Variants in SMCO2 observed in about 807,000 individuals in gnomAD.
SMCO2 encodes single-pass membrane and coiled-coil domain-containing protein 2.
A neutral mutation model predicts 29.5 loss-of-function variants in SMCO2; 25 were observed. The ratio of observed to expected loss-of-function variants is 0.85; its 90% CI spans 0.62 to 1.18. The LOEUF is 1.18. Ranked by LOEUF, SMCO2 falls within the 50% of genes most tolerant of loss-of-function variation. The probability of loss-of-function intolerance (pLI) is 0.00; values close to 1 mark genes in which losing one functional copy is unlikely to be tolerated. For synonymous variants in SMCO2, 117 were observed against 123.3 expected (o/e 0.95, Z 0.34); for missense variants, 348 against 344.5 (o/e 1.01, Z -0.08).
intron 4 of SMCO2, 44 bp from the exon 6 acceptor site, chr12:27,488,416 A>T: frequency 7.4e-7 from 1 of 1,345,412 alleles, no homozygotes; most frequent in South Asian, 1.8e-5. Context: ...CTCTTGGGTG[A>T]TTTTTCTTAA....
intron 3 of SMCO2, 61 bp from the exon 4 acceptor site, chr12:27,474,725 G>C: frequency 6.5e-7 from 1 of 1,541,384 alleles, no homozygotes; most frequent in Non-Finnish European, 8.8e-7. Flanking sequence ...AGGGCTGGAA[G>C]AACCACCACA....
chr12:27,480,537 A>T (rs1236783967), intron 4 of SMCO2, among the ~76,000 whole-genome samples: 1 of 152,048 alleles, frequency 6.6e-6, no homozygotes, highest in African/African-American at 2.4e-5. Context: ...ACCCAATCTC[A>T]TTTTGAAATG....
At chr12:27,433,769 C>T in the SMCO2 span, among the ~76,000 whole-genome samples, 5 of 152,322 alleles carry the variant, frequency 3.3e-5, no homozygotes, top group East Asian at 9.6e-4. Flanking sequence ...GGCCGTTCTT[C>T]CTTTAACTCT....
chr12:27,501,913 C>T lies in SMCO2; in HGVS notation c.684-10C>T. 2 of 1,513,280 alleles carry T rather than the reference C, an allele frequency of 1.3e-6. No individual in the cohort carries two copies. Among genetic ancestry groups the T allele is most frequent in the East Asian group, 2.5e-5 (1 of 40,404 alleles). 93.7% of individuals were successfully genotyped at this position (1,513,280 alleles called of 1,614,324 possible). On this transcript the variant is annotated splice_polypyrimidine_tract_variant and intron_variant, in intron 7 of 7. Coordinates refer to ENST00000298876, the Ensembl canonical transcript of SMCO2. The stretch of plus-strand genomic sequence containing the variant: ...AATTTGGTTAACACAGATGTTTTCT[C>T]TCTTTGTAGGAAACGTGCACTGAGG...
At position 27,495,665 on chromosome 12, in the gene SMCO2, A is replaced by G; in HGVS notation, c.508-15A>G. ...TAGAATTTTTTTAAGGTACTTGATT[A>G]CTCTTTTTTTTCAGGACCTTTGCAA... On this transcript the variant is annotated splice_polypyrimidine_tract_variant and intron_variant, in intron 6 of 7. Coordinates refer to ENST00000298876, the Ensembl canonical transcript of SMCO2. 2 of 1,452,148 alleles carry G rather than the reference A, an allele frequency of 1.4e-6. 1 individual carries two copies. Among genetic ancestry groups the G allele is most frequent in the Non-Finnish European group, 1.8e-6 (2 of 1,083,260 alleles). The allele number at this position is 1,452,148 out of a possible 1,614,324, so 90.0% of individuals were successfully genotyped here. A position where few individuals can be genotyped will look rare whatever the true frequency, so the allele number is the denominator to read the frequency against.
At position 27,498,650 on chromosome 12, in the gene SMCO2, C is replaced by CT. The variant is rs746058743; in HGVS notation, c.683+2804dup. On this transcript the variant is annotated intron_variant, in intron 7 of 7. Coordinates refer to ENST00000298876, the Ensembl canonical transcript of SMCO2. ...CCACACTGGTCACTAGCATTGTTTG[C>CT]TTTTTTTTTAAATAACCATTATATT... 8.4e-4 allele frequency: 131 copies of CT among 155,894 alleles called. 3 individuals are homozygous for CT. Among genetic ancestry groups the CT allele is most frequent in the Non-Finnish European group, 1.4e-3 (99 of 70,408 alleles). 9.7% of individuals were successfully genotyped at this position (155,894 alleles called of 1,614,324 possible).
intron 4 of SMCO2, among the ~76,000 whole-genome samples, chr12:27,487,153 A>G (rs148318006): frequency 2.0e-5 from 3 of 152,320 alleles, no homozygotes; most frequent in Non-Finnish European, 4.4e-5. Context: ...TTAGCCTTGC[A>G]TGACTATGAC....
At chr12:27,436,621 G>T in the SMCO2 span, among the ~76,000 whole-genome samples, 1 of 152,144 alleles carries the variant, frequency 6.6e-6, no homozygotes, top group Non-Finnish European at 1.5e-5. Context: ...CCTAGCTAAG[G>T]TTGACTCTGT....
chr12:27,472,658 G>A, intron 2 of SMCO2, 118 bp from the exon 3 acceptor site: 1 of 636,106 alleles, frequency 1.6e-6, no homozygotes. Context: ...AAGGATAGCA[G>A]ATGCTCCCTG....
At chr12:27,497,799 CA>C (rs1943029016) in intron 7 of SMCO2, 2 of 198,692 alleles carry the variant, frequency 1.0e-5, no homozygotes, top group Admixed American at 6.1e-5. Flanking sequence ...TGCTCTTAAG[CA>C]AAAACTATTT....
chr12:27,429,318 C>A, the SMCO2 span, among the ~76,000 whole-genome samples: 1 of 151,850 alleles, frequency 6.6e-6, no homozygotes, highest in African/African-American at 2.4e-5. Flanking sequence ...AAACCATAGT[C>A]AACACTTGAG....
chr12:27,443,023 ATTACTC>A, the SMCO2 span, among the ~76,000 whole-genome samples: 1 of 152,250 alleles, frequency 6.6e-6, no homozygotes, highest in East Asian at 1.9e-4. Context: ...TGAGGCCAGC[ATTACTC>A]TGATACCAAC....
chr12:27,500,809 T>A (rs1041801827), intron 7 of SMCO2, among the ~76,000 whole-genome samples: 1 of 150,624 alleles, frequency 6.6e-6, no homozygotes, highest in East Asian at 1.9e-4. Context: ...TGTGTGTAAC[T>A]GCCAAGTGAT....
chr12:27,465,066 GAA>G (rs1949488718), upstream of SMCO2, among the ~76,000 whole-genome samples: 1 of 143,050 alleles, frequency 7.0e-6, no homozygotes, highest in East Asian at 2.0e-4. Context: ...GAAAAGAAAA[GAA>G]AAAGAGAGAG....
At chr12:27,436,286 T>TGTG in the SMCO2 span, among the ~76,000 whole-genome samples, 1 of 152,240 alleles carries the variant, frequency 6.6e-6, no homozygotes, top group Non-Finnish European at 1.5e-5. Flanking sequence ...TCATCAGTAT[T>TGTG]AACAACACAA....
Position 27,488,552 on chromosome 12 carries a change from G to A in SMCO2, c.450+5G>A. On this transcript the variant is annotated splice_donor_5th_base_variant and intron_variant, in intron 5 of 7. Transcript: ENST00000298876. ...GATCAAGGGACAAGCACTGAGGTAA[G>A]CTAGAGACTTGGGAAAGACTGAGAG... 1.3e-6 allele frequency: 2 copies of A among 1,528,754 alleles called. No individual in the cohort carries two copies. Among genetic ancestry groups the A allele is most frequent in the Non-Finnish European group, 1.8e-6 (2 of 1,137,302 alleles). 94.7% of individuals were successfully genotyped at this position (1,528,754 alleles called of 1,614,324 possible). A position where few individuals can be genotyped will look rare whatever the true frequency, so the allele number is the denominator to read the frequency against.
chr12:27,464,301 G>T (rs1007854738), upstream of SMCO2, among the ~76,000 whole-genome samples: 5 of 152,180 alleles, frequency 3.3e-5, no homozygotes, highest in Non-Finnish European at 7.3e-5. Context: ...TAAGGCAGAG[G>T]CGAGGTCACC....
intron 7 of SMCO2, 97 bp from the exon 9 acceptor site, chr12:27,501,826 G>C (rs1943082109): frequency 1.1e-6 from 1 of 920,076 alleles, no homozygotes. Flanking sequence ...AAATTACTTA[G>C]TTGAAGTTTT....
chr12:27,478,259 C>T (rs1333712880), intron 4 of SMCO2, among the ~76,000 whole-genome samples: 1 of 152,138 alleles, frequency 6.6e-6, no homozygotes, highest in African/African-American at 2.4e-5. Context: ...TTACTGGGGA[C>T]AGTTACCCTA....
Sources: allele counts gnomAD v4.1 joint callset (sites outside exome capture counted in the v4.1 genomes callset), GRCh38; gene constraint gnomAD v4.1.1; transcripts MANE v1.5; gene names NCBI Gene and HGNC (gene_info 2026-07-23, HGNC 2026-07-21).